Variants in IL31RA observed in about 807,000 individuals in gnomAD.
IL31RA encodes interleukin-31 receptor subunit alpha.
Under a neutral mutation model 83.7 loss-of-function variants are expected in IL31RA, and 66 were observed. The observed-to-expected ratio is 0.79, with a 90% CI of 0.65 to 0.97. IL31RA has a LOEUF of 0.97. Among genes scored for constraint, IL31RA ranks in the 50% least tolerant of loss-of-function variants. IL31RA has a pLI of 0.00. For missense variants in IL31RA, 798 were observed against 919.4 expected, an observed-to-expected ratio of 0.87 and a Z score of 1.71; for synonymous variants, 325 against 329.0, an observed-to-expected ratio of 0.99 and a Z score of 0.13.
Position 55,919,725 on chromosome 5 carries a change from C to T in IL31RA, c.*2605C>T, listed in dbSNP as rs141691496. ...GGTGAGAGGAGCTGTTTCTATGAGT[C>T]CCCAAAAGGCACTGGTGGGCCACAC... is the stretch of plus-strand genomic sequence containing the variant. On this transcript the variant is annotated 3_prime_UTR_variant, in exon 15 of 15. Coordinates refer to ENST00000652347, the MANE Select transcript of IL31RA (RefSeq NM_139017.7). 3.5e-3 allele frequency among the ~76,000 whole-genome samples: 535 copies of T among 152,266 alleles called. 1 individual carries two copies. Among genetic ancestry groups the T allele is most frequent in the Non-Finnish European group, 6.1e-3 (418 of 68,032 alleles).
At chr5:55,908,687 C>T (rs1749315309) in intron 11 of IL31RA, 1 of 1,477,300 alleles carries the variant, frequency 6.8e-7, no homozygotes, top group Non-Finnish European at 9.0e-7. Flanking sequence ...CTGAATTGAC[C>T]TCCCGGGAGC....
Position 55,918,251 on chromosome 5 carries a change from TGAGTGG to T in IL31RA, c.*1132_*1137del, listed in dbSNP as rs774307408. ...AGATCAGGGCAGGCGAGGCAATGAG[TGAGTGG>T]CCCAAGGTGCAGTGAACCCAGCACT... On this transcript the variant is annotated 3_prime_UTR_variant, in exon 15 of 15. Transcript: ENST00000652347. Among the ~76,000 whole-genome samples, 9 of 151,978 alleles carry T rather than the reference TGAGTGG, an allele frequency of 5.9e-5. No homozygotes were observed. The highest frequency in any genetic ancestry group is 8.8e-5 in the Non-Finnish European group (6 of 68,010).
intron 11 of IL31RA, 138 bp downstream of exon 11, chr5:55,908,549 T>A: frequency 6.3e-7 from 1 of 1,575,932 alleles, no homozygotes; most frequent in Non-Finnish European, 8.6e-7. Flanking sequence ...TTTAAATCTC[T>A]CTGAAAATGG....
rs1369590724 is a variant in IL31RA at position 55,922,154 on chromosome 5, C to T, written c.*5034C>T. Among the ~76,000 whole-genome samples the T allele has an allele frequency of 6.6e-6, 1 of 151,260 alleles. No homozygotes were observed. The highest frequency in any genetic ancestry group is 1.5e-5 in the Non-Finnish European group (1 of 67,910). ...GGGTCAGTGGGGAGAGAGTTTGCTC[C>T]GAAGCACAAACAGCTCCAATCCATG... is the stretch of plus-strand genomic sequence containing the variant. On this transcript the variant is annotated 3_prime_UTR_variant, in exon 15 of 15. Coordinates refer to ENST00000652347, the MANE Select transcript of IL31RA (RefSeq NM_139017.7).
chr5:55,903,161 G>A lies in IL31RA; in HGVS notation c.1070-2945G>A, dbSNP rs1054132466. On this transcript the variant is annotated intron_variant, in intron 8 of 14. Coordinates refer to ENST00000652347, the MANE Select transcript of IL31RA (RefSeq NM_139017.7). The surrounding 1 kb of genome is among the most constrained non-coding windows in gnomAD (Gnocchi z 4.7). ...TGTGAGACCCGAGACAGCAGGCAGC[G>A]GTGGCGTGGTCCCAGGCAGGGCATC... is the stretch of plus-strand genomic sequence containing the variant. 1.3e-5 allele frequency among the ~76,000 whole-genome samples: 2 copies of A among 152,208 alleles called. No individual in the cohort carries two copies. Among genetic ancestry groups the A allele is most frequent in the Non-Finnish European group, 2.9e-5 (2 of 68,038 alleles).
At position 55,868,869 on chromosome 5, in the gene IL31RA, A is replaced by G. The variant is rs144974403; in HGVS notation, c.233A>G (p.Lys78Arg). 6.2e-7 allele frequency: 1 copy of G among 1,604,176 alleles called. No homozygotes were observed. Among genetic ancestry groups the G allele is most frequent in the Non-Finnish European group, 8.5e-7 (1 of 1,170,958 alleles). Residue 78 changes from lysine to arginine, a missense_variant, in exon 3 of 15, where the codon AAG (lysine) becomes AGG (arginine). Coordinates refer to ENST00000652347, the MANE Select transcript of IL31RA (RefSeq NM_139017.7). The stretch of plus-strand genomic sequence containing the variant: ...TTAACCTGCACTTGGAGTCCAGGAA[A>G]GGAAACCAGTTATACCCAGTACACA... The part of the protein sequence containing the change: ...KNLTCTWSPG[K>R]ETSYTQYTVK...
Position 55,916,714 on chromosome 5 carries a change from C to G in IL31RA, c.1889C>G (p.Thr630Ser), listed in dbSNP as rs754373263. The change falls in exon 15 of 15, where the codon ACC (threonine) becomes AGC (serine). Residue 630 changes from threonine to serine, a missense_variant. Coordinates refer to ENST00000652347, the MANE Select transcript of IL31RA (RefSeq NM_139017.7). ...GACAGGATCTTAAAACCATGTTCCA[C>G]CCCCAGTGACAAGTTGGTGATTGAC... is the stretch of plus-strand genomic sequence containing the variant. Reference protein sequence around the residue: ...TEDRILKPCSTPSDKLVIDKL... With the variant: ...TEDRILKPCSSPSDKLVIDKL... 9 of 1,613,966 alleles carry G rather than the reference C, an allele frequency of 5.6e-6. No homozygotes were observed. In the South Asian group the frequency reaches 9.9e-5, roughly 18 times the overall value.
Position 55,916,973 on chromosome 5 carries a change from A to T in IL31RA, c.2148A>T (p.Lys716Asn), listed in dbSNP as rs1270499736. 1 of 1,614,036 alleles carries T rather than the reference A, an allele frequency of 6.2e-7. No individual in the cohort carries two copies. The highest frequency in any genetic ancestry group is 1.1e-5 in the South Asian group (1 of 91,086). The change falls in exon 15 of 15, where the codon AAA (lysine) becomes AAT (asparagine). Residue 716 changes from lysine (K) to asparagine (N), a missense_variant. By Grantham distance (94) the Lys-to-Asn change is moderately conservative. Transcript: ENST00000652347. ...RMPEGTRPEA[K>N]EQLLFSGQSL... Reference sequence around the variant, plus strand: ...CAGAGGGGACCCGCCCAGAAGCCAAAGAGCAGCTTCTCTTTTCTGGTCAAA... The same window carrying T: ...CAGAGGGGACCCGCCCAGAAGCCAATGAGCAGCTTCTCTTTTCTGGTCAAA...
intron 6 of IL31RA, among the ~76,000 whole-genome samples, chr5:55,890,504 G>A (rs984411773): frequency 1.3e-5 from 2 of 152,078 alleles, no homozygotes; most frequent in East Asian, 1.9e-4. Context: ...CAAGTAGCTG[G>A]GATTACAGGG....
intron 1 of IL31RA, among the ~76,000 whole-genome samples, chr5:55,854,808 A>C (rs1283063269): frequency 6.6e-6 from 1 of 151,760 alleles, no homozygotes; most frequent in Admixed American, 6.6e-5. Context: ...TATAAATAGA[A>C]AATATAAAAA....
chr5:55,916,149 G>A (rs978441126), intron 14 of IL31RA, among the ~76,000 whole-genome samples: 1 of 152,206 alleles, frequency 6.6e-6, no homozygotes, highest in Non-Finnish European at 1.5e-5. Context: ...GGAGGCCAAG[G>A]CAGGGGGGAT....
chr5:55,839,934 A>C, the IL31RA span: 1 of 674,956 alleles, frequency 1.5e-6, no homozygotes, highest in Non-Finnish European at 2.8e-6. Context: ...TTGCAGTCAG[A>C]AGAAACGCTG....
chr5:55,868,857 G>C lies in IL31RA; in HGVS notation c.221G>C (p.Trp74Ser). 6.2e-7 allele frequency: 1 copy of C among 1,609,776 alleles called. No individual in the cohort carries two copies. The part of the protein sequence containing the change: ...YYYRKNLTCT[W>S]SPGKETSYTQ... ...TATAGGAAAAATTTAACCTGCACTTGGAGTCCAGGAAAGGAAACCAGTTAT... is the reference window on the plus strand; with the variant it reads ...TATAGGAAAAATTTAACCTGCACTTCGAGTCCAGGAAAGGAAACCAGTTAT... Residue 74 changes from tryptophan (W) to serine (S), a missense_variant, in exon 3 of 15, where the codon TGG becomes TCG. By Grantham distance (177) the Trp-to-Ser change is radical. Coordinates refer to ENST00000652347, the MANE Select transcript of IL31RA (RefSeq NM_139017.7).
At chr5:55,857,985 T>C (rs147636670) in intron 1 of IL31RA, among the ~76,000 whole-genome samples, 531 of 152,312 alleles carry the variant, frequency 3.5e-3, no homozygotes, top group Middle Eastern at 6.8e-3. Flanking sequence ...TCAACTACTG[T>C]AACTTTTCCA....
chr5:55,859,223 A>G (rs769302402), intron 1 of IL31RA, among the ~76,000 whole-genome samples: 4 of 152,020 alleles, frequency 2.6e-5, no homozygotes, highest in Non-Finnish European at 5.9e-5. Flanking sequence ...AGCTGCACAT[A>G]CTCATTTTTT....
intron 2 of IL31RA, among the ~76,000 whole-genome samples, chr5:55,862,563 C>A (rs185569287): frequency 2.2e-4 from 33 of 152,282 alleles, no homozygotes; most frequent in African/African-American, 7.9e-4. Flanking sequence ...CGTGTGCCAC[C>A]ATGCCTGGCT....
At chr5:55,846,640 T>C (rs1486894945), upstream of IL31RA, among the ~76,000 whole-genome samples, 2 of 151,816 alleles carry the variant, frequency 1.3e-5, no homozygotes, top group East Asian at 3.9e-4. Flanking sequence ...CTACTAAAAA[T>C]ACAAAAATTA....
At chr5:55,874,743 A>G (rs911381603) in intron 4 of IL31RA, among the ~76,000 whole-genome samples, 2 of 152,116 alleles carry the variant, frequency 1.3e-5, no homozygotes, top group Non-Finnish European at 2.9e-5. Flanking sequence ...ACCTTGTTGA[A>G]CTTGTTTATT....
intron 5 of IL31RA, among the ~76,000 whole-genome samples, chr5:55,883,533 A>G (rs1747396349): frequency 6.6e-6 from 1 of 152,220 alleles, no homozygotes; most frequent in Admixed American, 6.5e-5. Context: ...GACCTTTTAT[A>G]AAATCATGAG....
Sources: allele counts gnomAD v4.1 joint callset (sites outside exome capture counted in the v4.1 genomes callset), GRCh38; gene constraint gnomAD v4.1.1; non-coding constraint Gnocchi (gnomAD v3.1); transcripts MANE v1.5; gene names NCBI Gene and HGNC (gene_info 2026-07-23, HGNC 2026-07-21).